FCER1A: variants seen among roughly 807,000 people sequenced by gnomAD.
The protein encoded by FCER1A is Fc epsilon receptor Ia.
In FCER1A, 24 loss-of-function variants were observed where a neutral mutation model predicts 23.6. The ratio of observed to expected loss-of-function variants is 1.02; its 90% confidence interval spans 0.74 to 1.43. The LOEUF is 1.43. FCER1A is among the 40% of genes most tolerant of loss of function. The pLI is 0.00. For missense variants in FCER1A, 318 were observed against 294.5 expected (o/e 1.08, Z -0.58); for synonymous variants, 121 against 108.8 (o/e 1.11, Z -0.70).
At chr1:159,298,963 C>T (rs1652362125), upstream of FCER1A, among the ~76,000 whole-genome samples, 1 of 152,194 alleles carries the variant, frequency 6.6e-6, no homozygotes, top group African/African-American at 2.4e-5. Flanking sequence ...CTTTATCTAT[C>T]TATCTGTCAA....
chr1:159,288,701 G>T (rs1320152010), upstream of FCER1A, among the ~76,000 whole-genome samples: 1 of 152,008 alleles, frequency 6.6e-6, no homozygotes, highest in Admixed American at 6.6e-5. Flanking sequence ...TTACTACCTG[G>T]TATATTTTGT....
At chr1:159,286,766 T>A (rs1439616622), upstream of FCER1A, among the ~76,000 whole-genome samples, 4 of 152,206 alleles carry the variant, frequency 2.6e-5, no homozygotes, top group Non-Finnish European at 5.9e-5. Flanking sequence ...TAAAAATGAG[T>A]AAAATTGGAA....
chr1:159,292,943 G>A (rs1378419639), intron 1 of FCER1A, among the ~76,000 whole-genome samples: 3 of 151,862 alleles, frequency 2.0e-5, no homozygotes, highest in South Asian at 4.2e-4. Context: ...TGTGAATCTC[G>A]GTGCCACCTC....
chr1:159,291,302 C>A (rs1652146522), intron 1 of FCER1A, among the ~76,000 whole-genome samples: 1 of 152,066 alleles, frequency 6.6e-6, no homozygotes, highest in African/African-American at 2.4e-5. Context: ...TGATCAAGTC[C>A]TAGATTTACT....
At chr1:159,293,500 G>A (rs12086090) in intron 1 of FCER1A, among the ~76,000 whole-genome samples, 17,796 of 149,330 alleles carry the variant, frequency 0.12, 3,645 homozygotes, top group African/African-American at 0.42. Context: ...CCATTAACTC[G>A]TCATTTAGCA....
chr1:159,302,671 C>A (rs1415785422), intron 1 of FCER1A, among the ~76,000 whole-genome samples, 183 bp from the exon 2 acceptor site: 1 of 152,162 alleles, frequency 6.6e-6, no homozygotes, highest in African/African-American at 2.4e-5. Context: ...TGCAAATTTC[C>A]TACCAAGGAA....
intron 4 of FCER1A, among the ~76,000 whole-genome samples, chr1:159,306,670 C>T (rs910066238): frequency 6.6e-6 from 1 of 152,060 alleles, no homozygotes; most frequent in Non-Finnish European, 1.5e-5. Flanking sequence ...CCCATTCCAG[C>T]TTAGGAGGGC....
upstream of FCER1A, among the ~76,000 whole-genome samples, chr1:159,284,749 T>C (rs1651975218): frequency 6.6e-6 from 1 of 152,196 alleles, no homozygotes; most frequent in South Asian, 2.1e-4. Flanking sequence ...AATGGGATGA[T>C]TATTACTTTT....
chr1:159,291,709 T>C (rs1652157359), intron 1 of FCER1A, among the ~76,000 whole-genome samples: 1 of 152,064 alleles, frequency 6.6e-6, no homozygotes, highest in Non-Finnish European at 1.5e-5. Flanking sequence ...ACAAGAATCC[T>C]CCCTTAACCC....
upstream of FCER1A, among the ~76,000 whole-genome samples, chr1:159,287,910 A>G (rs964359494): frequency 1.3e-5 from 2 of 151,964 alleles, no homozygotes; most frequent in Admixed American, 1.3e-4. Context: ...TAATAAATAC[A>G]TATTAAAAAT....
At position 159,303,945 on chromosome 1, in the gene FCER1A, G is replaced by T; in HGVS notation, c.94G>T (p.Val32Phe). ...GVLAVPQKPK[V>F]SLNPPWNRIF... ...TCTTGAAGTCCCTCAGAAACCTAAG[G>T]TCTCCTTGAACCCTCCATGGAATAG... The change falls in exon 3 of 5, where the codon GTC becomes TTC. Residue 32 changes from valine to phenylalanine, a missense_variant. Val to Phe is a conservative substitution (Grantham distance 50). Coordinates refer to ENST00000693622, the MANE Select transcript of FCER1A (RefSeq NM_001387280.1). 1 of 1,611,822 alleles carries T rather than the reference G, an allele frequency of 6.2e-7. No homozygotes were observed. Among genetic ancestry groups the T allele is most frequent in the South Asian group, 1.1e-5 (1 of 90,932 alleles).
chr1:159,289,702 A>T (rs76362697), upstream of FCER1A: 1 of 152,126 alleles, frequency 6.6e-6, no homozygotes, highest in Non-Finnish European at 1.5e-5. Flanking sequence ...TCTTCTGTTC[A>T]AAATTCTTTT....
intron 2 of FCER1A, 29 bp downstream of exon 2, chr1:159,302,903 G>T: frequency 2.5e-6 from 4 of 1,607,276 alleles, no homozygotes; most frequent in Non-Finnish European, 3.4e-6. Context: ...TTCCCTTGGT[G>T]TTTCAACATG....
At chr1:159,288,422 T>C (rs1004701856), upstream of FCER1A, among the ~76,000 whole-genome samples, 2 of 151,948 alleles carry the variant, frequency 1.3e-5, no homozygotes, top group African/African-American at 4.9e-5. Context: ...ACTCTCCCTC[T>C]TGAAATGCTC....
At chr1:159,288,826 A>G (rs1397731226), upstream of FCER1A, among the ~76,000 whole-genome samples, 1 of 152,162 alleles carries the variant, frequency 6.6e-6, no homozygotes, top group Admixed American at 6.5e-5. Context: ...CTAAAGCAGC[A>G]GCAGAAACAA....
upstream of FCER1A, chr1:159,302,299 T>C (rs1314470560): frequency 8.7e-7 from 1 of 1,143,172 alleles, no homozygotes; most frequent in East Asian, 2.3e-5. Context: ...TGCTTTTTGG[T>C]TTTAAGCCTA....
chr1:159,300,277 A>C (rs1652397617), upstream of FCER1A, among the ~76,000 whole-genome samples: 1 of 152,152 alleles, frequency 6.6e-6, no homozygotes, highest in Non-Finnish European at 1.5e-5. Flanking sequence ...CTTCAGAGGA[A>C]GCCTTTAAAT....
In FCER1A at chr1:159,302,401, G is replaced by A. The variant is rs745590328; in HGVS notation, c.37G>A (p.Val13Ile). 2.5e-6 allele frequency: 4 copies of A among 1,610,818 alleles called. No homozygotes were observed. The highest frequency in any genetic ancestry group is 3.4e-6 in the Non-Finnish European group (4 of 1,177,060). The change falls in exon 1 of 5, where the codon GTA (valine) becomes ATA (isoleucine). Residue 13 changes from valine (V) to isoleucine (I), a missense_variant. By Grantham distance (29) the Val-to-Ile change is conservative (BLOSUM62 3). Transcript: ENST00000693622. ...PAMESPTLLC[V>I]ALLFFAPDGV... ...CATGGAATCCCCTACTCTACTGTGTGTAGCCTTACTGTTCTTCGGTAAGTA... is the reference window on the plus strand; with the variant it reads ...CATGGAATCCCCTACTCTACTGTGTATAGCCTTACTGTTCTTCGGTAAGTA...
chr1:159,286,617 C>A (rs898799384), upstream of FCER1A, among the ~76,000 whole-genome samples: 3 of 152,208 alleles, frequency 2.0e-5, no homozygotes, highest in Non-Finnish European at 2.9e-5. Flanking sequence ...CAGGCGTAAG[C>A]CATCGTGCCC....
Sources: allele counts gnomAD v4.1 joint callset (sites outside exome capture counted in the v4.1 genomes callset), GRCh38; gene constraint gnomAD v4.1.1; transcripts MANE v1.5; gene names NCBI Gene and HGNC (gene_info 2026-07-23, HGNC 2026-07-21).